The following PCBP3 variants were observed in gnomAD, a reference collection of about 807,000 sequenced individuals.
PCBP3 encodes the protein poly(rC) binding protein 3.
Under a neutral mutation model 52.7 loss-of-function variants are expected in PCBP3, and 25 were observed. The ratio of observed to expected loss-of-function variants is 0.47; its 90% confidence interval spans 0.35 to 0.66. The LOEUF is 0.66. Among genes scored for constraint, PCBP3 ranks in the 30% least tolerant of loss-of-function variants. The pLI is 0.01. For missense variants in PCBP3, 391 were observed against 490.3 expected, an observed-to-expected ratio of 0.80 and a Z score of 1.91; for synonymous variants, 162 against 183.0, an observed-to-expected ratio of 0.89 and a Z score of 0.93.
At chr21:45,685,915 C>CTT (rs1168054154) in intron 2 of PCBP3, among the ~76,000 whole-genome samples, 57 of 125,416 alleles carry the variant, frequency 4.5e-4, no homozygotes, top group Admixed American at 9.1e-4. Flanking sequence ...GTAAGATGAA[C>CTT]TTTTTTTTTT....
At chr21:45,913,892 A>T in intron 11 of PCBP3, 59 bp from the exon 12 acceptor site, 1 of 1,522,860 alleles carries the variant, frequency 6.6e-7, no homozygotes, top group East Asian at 2.3e-5. Context: ...ACGCCTCCCC[A>T]TTGCCAGGCT....
chr21:45,824,504 G>C (rs1052576103), intron 4 of PCBP3, among the ~76,000 whole-genome samples: 1 of 152,200 alleles, frequency 6.6e-6, no homozygotes, highest in East Asian at 1.9e-4. Context: ...GATTTCTCCC[G>C]TTGGGATTGC....
intron 5 of PCBP3, among the ~76,000 whole-genome samples, chr21:45,893,109 GA>G (rs1306932354): frequency 6.6e-6 from 1 of 152,164 alleles, no homozygotes; most frequent in Non-Finnish European, 1.5e-5. Flanking sequence ...AGTCTCTAGG[GA>G]GGAGAAGTGC....
At chr21:45,794,387 G>A (rs2091807524) in intron 4 of PCBP3, among the ~76,000 whole-genome samples, 1 of 152,148 alleles carries the variant, frequency 6.6e-6, no homozygotes, top group Non-Finnish European at 1.5e-5. Flanking sequence ...CTGCACTCCA[G>A]CCCAGGTGAC....
intron 5 of PCBP3, among the ~76,000 whole-genome samples, chr21:45,884,137 T>C (rs1414315904): frequency 6.6e-6 from 1 of 152,166 alleles, no homozygotes; most frequent in Non-Finnish European, 1.5e-5. Flanking sequence ...GGTATTCCTG[T>C]GTTGCCCAGG....
intron 2 of PCBP3, among the ~76,000 whole-genome samples, chr21:45,691,880 AC>A (rs2082503628): frequency 6.6e-6 from 1 of 152,154 alleles, no homozygotes; most frequent in Admixed American, 6.5e-5. Context: ...TGTTCTGTCC[AC>A]CAGATTATCT....
intron 4 of PCBP3, among the ~76,000 whole-genome samples, chr21:45,784,742 C>G (rs1454135941): frequency 2.0e-5 from 3 of 152,264 alleles, no homozygotes; most frequent in South Asian, 2.1e-4. Flanking sequence ...GGATTGCAGA[C>G]GGAGTCTCCT....
At chr21:45,691,423 TAAA>T (rs2082462662) in intron 2 of PCBP3, among the ~76,000 whole-genome samples, 1 of 137,326 alleles carries the variant, frequency 7.3e-6, no homozygotes, top group African/African-American at 2.8e-5. Context: ...TATATATATA[TAAA>T]ATATATATAT....
At chr21:45,891,458 A>C (rs749977926) in intron 5 of PCBP3, among the ~76,000 whole-genome samples, 8 of 152,226 alleles carry the variant, frequency 5.3e-5, no homozygotes, top group Non-Finnish European at 1.0e-4. Context: ...CATCTTCTAT[A>C]AATACTAAGA....
At chr21:45,780,251 A>G (rs1274520067) in intron 4 of PCBP3, among the ~76,000 whole-genome samples, 7 of 152,252 alleles carry the variant, frequency 4.6e-5, no homozygotes, top group Admixed American at 4.6e-4. Flanking sequence ...GTCTCAAAAT[A>G]CACACATTTA....
At position 45,737,669 on chromosome 21, in the gene PCBP3, G is replaced by A. The variant is rs762977404; in HGVS notation, c.-162+2240G>A. Among the ~76,000 whole-genome samples, 18 of 152,222 alleles carry A rather than the reference G, an allele frequency of 1.2e-4. No individual in the cohort carries two copies. The highest frequency in any genetic ancestry group is 2.2e-4 in the Non-Finnish European group (15 of 68,040). Reference sequence around the variant, plus strand: ...CATGTGGGTTCTGGAGGCTGCAGCAGGCAGATTCTGGAAATTCCCTGAGGC... The same window carrying A: ...CATGTGGGTTCTGGAGGCTGCAGCAAGCAGATTCTGGAAATTCCCTGAGGC... On this transcript the variant is annotated intron_variant, in intron 3 of 17. Transcript: ENST00000681687. The surrounding 1 kb of genome is among the most constrained non-coding windows in gnomAD (Gnocchi z 4.9).
chr21:45,929,608 C>T (rs1014562455), intron 13 of PCBP3, among the ~76,000 whole-genome samples: 1 of 152,222 alleles, frequency 6.6e-6, no homozygotes, highest in African/African-American at 2.4e-5. Flanking sequence ...CCACTGGCCC[C>T]AGCCTCCTGT....
chr21:45,789,166 A>ATGTGTGTGCACACGTGCGTGTGCATGTG (rs2091357883), intron 4 of PCBP3, among the ~76,000 whole-genome samples: 1 of 152,174 alleles, frequency 6.6e-6, no homozygotes, highest in Non-Finnish European at 1.5e-5. Context: ...TCAGGAGTGA[A>ATGTGTGTGCACACGTGCGTGTGCATGTG]TGTGTGTGCA....
intron 9 of PCBP3, 149 bp from the exon 10 acceptor site, chr21:45,909,206 T>A: frequency 2.6e-6 from 2 of 781,038 alleles, no homozygotes; most frequent in South Asian, 3.3e-5. Context: ...TGGTCCTCCC[T>A]GGCCTGGCCT....
chr21:45,934,621 C>T (rs2076683595), intron 15 of PCBP3, among the ~76,000 whole-genome samples: 1 of 152,214 alleles, frequency 6.6e-6, no homozygotes, highest in Admixed American at 6.5e-5. Flanking sequence ...GGAAGAACTG[C>T]CTGGTGGGCC....
intron 2 of PCBP3, among the ~76,000 whole-genome samples, chr21:45,677,223 A>G (rs1350707094): frequency 6.6e-6 from 1 of 152,224 alleles, no homozygotes. Flanking sequence ...ACTCCAGTGA[A>G]CACACAAAGG....
chr21:45,790,887 T>C (rs1215750571), intron 4 of PCBP3, among the ~76,000 whole-genome samples: 2 of 151,906 alleles, frequency 1.3e-5, no homozygotes, highest in Admixed American at 1.3e-4. Context: ...AGGTGGAGTT[T>C]TGAAGAGTTT....
intron 17 of PCBP3, among the ~76,000 whole-genome samples, chr21:45,941,341 C>A (rs2077449235): frequency 6.6e-6 from 1 of 152,326 alleles, no homozygotes; most frequent in Non-Finnish European, 1.5e-5. Context: ...AACCAAAGCC[C>A]CTTCTCAGAT....
intron 1 of PCBP3, among the ~76,000 whole-genome samples, chr21:45,664,072 G>A (rs371635391): frequency 4.4e-5 from 6 of 137,742 alleles, no homozygotes; most frequent in African/African-American, 1.6e-4. Context: ...AAACTCACAT[G>A]TATAATAAAC....
Sources: gnomAD v4.1 joint callset for allele counts (sites outside exome capture counted in the v4.1 genomes callset) on GRCh38, gnomAD v4.1.1 for gene constraint, Gnocchi (gnomAD v3.1) non-coding constraint, MANE v1.5 for transcripts, NCBI Gene and HGNC (gene_info 2026-07-23, HGNC 2026-07-21) for gene names.